The following ADAMTS16 variants were observed in gnomAD, a reference collection of about 807,000 sequenced individuals.
The protein encoded by ADAMTS16 is ADAM metallopeptidase with thrombospondin type 1 motif 16.
A neutral mutation model predicts 145.8 loss-of-function variants in ADAMTS16; 94 were observed. The observed-to-expected ratio is 0.64, with a 90% CI of 0.55 to 0.77. The LOEUF is 0.77. ADAMTS16 is among the 30% of genes least tolerant of loss of function. ADAMTS16 has a pLI of 0.00. For synonymous variants in ADAMTS16, 659 were observed against 604.3 expected (o/e 1.09, Z -1.33); for missense variants, 1,585 against 1,591.5 (o/e 1.00, Z 0.07).
intron 18 of ADAMTS16, among the ~76,000 whole-genome samples, chr5:5,280,553 C>A (rs1288131128): frequency 1.3e-5 from 2 of 152,142 alleles, no homozygotes; most frequent in Non-Finnish European, 2.9e-5. Context: ...CGTTTAAACA[C>A]CTCTGGCTGA....
Position 5,318,192 on chromosome 5 carries a change from G to A in ADAMTS16, c.3470G>A (p.Gly1157Asp). Reference protein sequence around the residue: ...QTRSVQCLAGGRPASGCLLHQ... With the variant: ...QTRSVQCLAGDRPASGCLLHQ... ...AGGTCCGTGCAGTGCCTGGCTGGGG[G>A]CCGGCCGGCCTCAGGCTGCCTCCTG... Residue 1157 changes from glycine (G) to aspartate (D), a missense_variant, in exon 22 of 23, where the codon GGC becomes GAC. Coordinates refer to ENST00000274181, the MANE Select transcript of ADAMTS16 (RefSeq NM_139056.4). 4 of 1,560,854 alleles carry A rather than the reference G, an allele frequency of 2.6e-6. No individual in the cohort carries two copies. The highest frequency in any genetic ancestry group is 1.4e-5 in the African/African-American group (1 of 73,470).
intron 10 of ADAMTS16, among the ~76,000 whole-genome samples, chr5:5,212,753 T>C (rs2126323747): frequency 6.6e-6 from 1 of 152,206 alleles, no homozygotes; most frequent in East Asian, 1.9e-4. Context: ...TCTGACCTTT[T>C]ACCAGCATGT....
At chr5:5,187,624 C>T in intron 5 of ADAMTS16, 101 bp from the exon 6 acceptor site, 1 of 776,030 alleles carries the variant, frequency 1.3e-6, no homozygotes, top group Non-Finnish European at 2.3e-6. Flanking sequence ...GTTAACAGTG[C>T]TCTGTCACTG....
intron 17 of ADAMTS16, among the ~76,000 whole-genome samples, chr5:5,250,622 G>A (rs1737592291): frequency 6.6e-6 from 1 of 152,186 alleles, no homozygotes. Flanking sequence ...GTGTGGTGGA[G>A]AGGGTGCTGT....
At chr5:5,254,432 C>G (rs1357602800) in intron 17 of ADAMTS16, among the ~76,000 whole-genome samples, 1 of 151,988 alleles carries the variant, frequency 6.6e-6, no homozygotes. Context: ...GGGAATATTT[C>G]TAATGTTTCC....
chr5:5,162,503 C>A (rs1009673970), intron 3 of ADAMTS16, among the ~76,000 whole-genome samples: 4 of 152,132 alleles, frequency 2.6e-5, no homozygotes, highest in African/African-American at 9.7e-5. Flanking sequence ...ATTGTTTGGG[C>A]AACATTGGGT....
Position 5,319,514 on chromosome 5 carries a change from G to A in ADAMTS16, c.*376G>A. The A allele has an allele frequency of 3.4e-6, 1 of 295,030 alleles. No individual in the cohort carries two copies. The highest frequency in any genetic ancestry group is 3.4e-5 in the South Asian group (1 of 29,596). 18.3% of individuals were successfully genotyped at this position (295,030 alleles called of 1,614,324 possible). ...AATGTCTGGTGCCTTAGAAAAAGAAGGAAAGGCCATGAAATAAGGAAAACA... is the reference window on the plus strand; with the variant it reads ...AATGTCTGGTGCCTTAGAAAAAGAAAGAAAGGCCATGAAATAAGGAAAACA... On this transcript the variant is annotated 3_prime_UTR_variant, in exon 23 of 23. Transcript: ENST00000274181.
At chr5:5,217,541 A>G (rs1736471594) in intron 10 of ADAMTS16, among the ~76,000 whole-genome samples, 1 of 152,158 alleles carries the variant, frequency 6.6e-6, no homozygotes, top group African/African-American at 2.4e-5. Flanking sequence ...AGTACAGACA[A>G]TTTGAGGAAG....
intron 18 of ADAMTS16, among the ~76,000 whole-genome samples, chr5:5,301,984 T>C (rs753810744): frequency 1.3e-5 from 2 of 152,132 alleles, no homozygotes; most frequent in Admixed American, 6.5e-5. Context: ...CACAGGGAGT[T>C]GCACAGGGAA....
At chr5:5,243,351 G>A (rs1579336894) in intron 17 of ADAMTS16, among the ~76,000 whole-genome samples, 1 of 152,338 alleles carries the variant, frequency 6.6e-6, no homozygotes, top group Admixed American at 6.5e-5. Flanking sequence ...AGTGACCAGA[G>A]AGAAATATGA....
intron 10 of ADAMTS16, among the ~76,000 whole-genome samples, chr5:5,220,647 G>A (rs1736575393): frequency 6.6e-6 from 1 of 152,094 alleles, no homozygotes; most frequent in Non-Finnish European, 1.5e-5. Context: ...CAGTGCCCTA[G>A]TGCCTTTACT....
intron 17 of ADAMTS16, among the ~76,000 whole-genome samples, chr5:5,242,991 A>G (rs1560965433): frequency 2.0e-5 from 3 of 152,284 alleles, no homozygotes; most frequent in Non-Finnish European, 2.9e-5. Flanking sequence ...GTTAATTTAG[A>G]CAATATTATG....
chr5:5,157,716 T>G (rs1045487356), intron 3 of ADAMTS16, among the ~76,000 whole-genome samples: 3 of 152,206 alleles, frequency 2.0e-5, no homozygotes, highest in African/African-American at 7.2e-5. Flanking sequence ...TTATCATAAT[T>G]TAAATCTGTA....
intron 12 of ADAMTS16, among the ~76,000 whole-genome samples, chr5:5,234,041 G>C (rs937043456): frequency 3.9e-5 from 6 of 152,186 alleles, no homozygotes; most frequent in African/African-American, 1.2e-4. Context: ...CATTCTGACT[G>C]GTGTTTTTCA....
Position 5,262,650 on chromosome 5 carries a change from C to A in ADAMTS16, c.2663-7C>A. Reference sequence around the variant, plus strand: ...GTCTTTATTCTACATTTCATCCTTGCCTGCAGGACAGATGACCGTGAGAGA... The same window carrying A: ...GTCTTTATTCTACATTTCATCCTTGACTGCAGGACAGATGACCGTGAGAGA... On this transcript the variant is annotated splice_region_variant and splice_polypyrimidine_tract_variant and intron_variant, in intron 17 of 22. Coordinates refer to ENST00000274181, the MANE Select transcript of ADAMTS16 (RefSeq NM_139056.4). 1 of 1,610,810 alleles carries A rather than the reference C, an allele frequency of 6.2e-7. No homozygotes were observed. The highest frequency in any genetic ancestry group is 8.5e-7 in the Non-Finnish European group (1 of 1,178,794).
intron 12 of ADAMTS16, among the ~76,000 whole-genome samples, chr5:5,232,847 C>A (rs1736976742): frequency 6.6e-6 from 1 of 152,158 alleles, no homozygotes; most frequent in South Asian, 2.1e-4. Context: ...AGGTAATCCA[C>A]CCGCCGTGAC....
chr5:5,286,278 C>A (rs1451522679), intron 18 of ADAMTS16, among the ~76,000 whole-genome samples: 2 of 152,252 alleles, frequency 1.3e-5, no homozygotes, highest in Admixed American at 1.3e-4. Flanking sequence ...AATGATTAGG[C>A]CTTTTTGCAG....
chr5:5,182,201 T>C lies in ADAMTS16; in HGVS notation c.659T>C (p.Leu220Pro), dbSNP rs1427604330. 1 of 1,614,154 alleles carries C rather than the reference T, an allele frequency of 6.2e-7. No individual in the cohort carries two copies. Among genetic ancestry groups the C allele is most frequent in the Non-Finnish European group, 8.5e-7 (1 of 1,180,010 alleles). The change falls in exon 4 of 23, where the codon CTG becomes CCG. Residue 220 changes from leucine to proline, a missense_variant. Transcript: ENST00000274181. Reference protein sequence around the residue: ...EPHAPGASEVLVTSRTWELAH... With the variant: ...EPHAPGASEVPVTSRTWELAH... Reference sequence around the variant, plus strand: ...CATGCTCCTGGGGCCAGTGAGGTCCTGGTGACCTCAAGGACATGGGAGCTG... The same window carrying C: ...CATGCTCCTGGGGCCAGTGAGGTCCCGGTGACCTCAAGGACATGGGAGCTG...
chr5:5,295,989 A>G (rs962865155), intron 18 of ADAMTS16, among the ~76,000 whole-genome samples: 7 of 152,242 alleles, frequency 4.6e-5, no homozygotes, highest in African/African-American at 1.4e-4. Flanking sequence ...GGCTAGGATT[A>G]TCTCCTCAGT....
Sources: allele counts gnomAD v4.1 joint callset (sites outside exome capture counted in the v4.1 genomes callset), GRCh38; gene constraint gnomAD v4.1.1; transcripts MANE v1.5; gene names NCBI Gene and HGNC (gene_info 2026-07-23, HGNC 2026-07-21).